The following CTNNA2 variants were observed in gnomAD, a reference collection of about 807,000 sequenced individuals.
The protein encoded by CTNNA2 is catenin alpha-2.
A neutral mutation model predicts 101.0 loss-of-function variants in CTNNA2; 42 were observed. That is an observed-to-expected ratio of 0.42 (90% CI 0.32 to 0.54). CTNNA2 has a LOEUF of 0.54. Ranked by LOEUF, CTNNA2 falls within the 20% of genes least tolerant of loss-of-function variation. CTNNA2 has a pLI of 0.14. For synonymous variants in CTNNA2, 450 were observed against 456.4 expected, an observed-to-expected ratio of 0.99 and a Z score of 0.18; for missense variants, 871 against 1,223.1, an observed-to-expected ratio of 0.71 and a Z score of 4.29.
chr2:80,346,463 T>C (rs1341349457), intron 7 of CTNNA2, among the ~76,000 whole-genome samples: 4 of 152,322 alleles, frequency 2.6e-5, no homozygotes, highest in East Asian at 3.9e-4. Context: ...AAGCCATTCA[T>C]GAGGGACCTG....
chr2:80,639,546 T>TGTGTGTGTGTG (rs1673242502), intron 18 of CTNNA2, among the ~76,000 whole-genome samples: 1 of 151,940 alleles, frequency 6.6e-6, no homozygotes, highest in Non-Finnish European at 1.5e-5. Flanking sequence ...TGTGTCTGTG[T>TGTGTGTGTGTG]TTTTAACAAT....
chr2:79,257,727 G>C (rs535435329), intron 2 of CTNNA2, among the ~76,000 whole-genome samples: 1 of 151,870 alleles, frequency 6.6e-6, no homozygotes, highest in South Asian at 2.1e-4. Context: ...AAATTGTTCT[G>C]AACTGTCACC....
Position 79,227,957 on chromosome 2 carries a change from G to A in CTNNA2, c.-406+29881G>A, listed in dbSNP as rs144211423. ...CTATTGTTCCTATCGTTACAATCAC[G>A]TACATTCAATGTTTAACTCCCACTT... On this transcript the variant is annotated intron_variant, in intron 2 of 21. Coordinates refer to the CTNNA2 transcript ENST00000466387. 2.3e-3 allele frequency among the ~76,000 whole-genome samples: 353 copies of A among 152,144 alleles called. 6 individuals carry two copies. The highest frequency in any genetic ancestry group is 1.2e-3 in the East Asian group (6 of 5,158).
intron 1 of CTNNA2, among the ~76,000 whole-genome samples, chr2:79,524,016 C>A (rs1403573468): frequency 6.6e-6 from 1 of 152,052 alleles, no homozygotes; most frequent in Non-Finnish European, 1.5e-5. Context: ...ACTATTAAAA[C>A]TACTATTATG....
At chr2:79,987,655 G>A (rs1004350714) in intron 7 of CTNNA2, among the ~76,000 whole-genome samples, 3 of 152,128 alleles carry the variant, frequency 2.0e-5, no homozygotes, top group Admixed American at 6.6e-5. Flanking sequence ...AACTTTATAT[G>A]TCCTTCTCCC....
At chr2:79,452,682 A>T (rs1670770505) in intron 4 of CTNNA2, among the ~76,000 whole-genome samples, 1 of 152,082 alleles carries the variant, frequency 6.6e-6, no homozygotes, top group Non-Finnish European at 1.5e-5. Flanking sequence ...TTGAAAGATA[A>T]ACCACATTTA....
intron 7 of CTNNA2, among the ~76,000 whole-genome samples, chr2:80,227,872 AC>A (rs1346272369): frequency 6.6e-6 from 1 of 152,168 alleles, no homozygotes; most frequent in Non-Finnish European, 1.5e-5. Context: ...CTATTAAAGG[AC>A]CCCAGTGGAG....
chr2:79,374,577 G>A (rs1185452467), intron 4 of CTNNA2, among the ~76,000 whole-genome samples: 4 of 151,920 alleles, frequency 2.6e-5, no homozygotes. Flanking sequence ...ATTATTCTGA[G>A]CAATAGACTC....
chr2:80,112,968 T>A (rs1701308046), intron 7 of CTNNA2, among the ~76,000 whole-genome samples: 1 of 152,132 alleles, frequency 6.6e-6, no homozygotes, highest in Admixed American at 6.6e-5. Context: ...ATCTTACCTG[T>A]GAGTTGCGTA....
At chr2:79,740,778 CACA>C (rs1192841677) in intron 2 of CTNNA2, among the ~76,000 whole-genome samples, 1 of 151,832 alleles carries the variant, frequency 6.6e-6, no homozygotes, top group African/African-American at 2.4e-5. Flanking sequence ...CAGCATAGAG[CACA>C]ACAACAATTC....
In CTNNA2 at chr2:80,303,631, G is replaced by C. The variant is rs1370384755; in HGVS notation, c.1057-89580G>C. On this transcript the variant is annotated intron_variant, in intron 7 of 18. Transcript: ENST00000402739. The surrounding 1 kb of genome is among the most constrained non-coding windows in gnomAD (Gnocchi z 7.7). ...GGGACAAGCCCAGCAGGCCGGACAG[G>C]TTGTGGGGCGCCTCGGTGAGGTTGA... is the stretch of plus-strand genomic sequence containing the variant. 5 of 1,613,676 alleles carry C rather than the reference G, an allele frequency of 3.1e-6. No individual in the cohort carries two copies. Among genetic ancestry groups the C allele is most frequent in the Non-Finnish European group, 4.2e-6 (5 of 1,179,798 alleles).
intron 1 of CTNNA2, among the ~76,000 whole-genome samples, chr2:79,572,264 A>G (rs983333809): frequency 1.5e-4 from 23 of 152,188 alleles, no homozygotes; most frequent in Admixed American, 1.2e-3. Context: ...AGCTTCAAGC[A>G]GAACATCTCT....
chr2:79,234,300 A>G (rs1300251880), intron 2 of CTNNA2, among the ~76,000 whole-genome samples: 1 of 151,914 alleles, frequency 6.6e-6, no homozygotes, highest in Non-Finnish European at 1.5e-5. Context: ...TATGAAGATT[A>G]GTTTGGTGAG....
chr2:79,793,363 A>AT (rs951525546), intron 3 of CTNNA2, among the ~76,000 whole-genome samples: 4 of 152,214 alleles, frequency 2.6e-5, no homozygotes, highest in African/African-American at 9.6e-5. Context: ...AGAGCGACTC[A>AT]TGTAGAGCTG....
At chr2:79,234,083 T>C (rs1200001410) in intron 2 of CTNNA2, among the ~76,000 whole-genome samples, 1 of 151,366 alleles carries the variant, frequency 6.6e-6, no homozygotes, top group African/African-American at 2.4e-5. Flanking sequence ...TGTCATCATG[T>C]TGTTAGCTAA....
At chr2:79,546,054 T>C (rs149771580) in intron 1 of CTNNA2, among the ~76,000 whole-genome samples, 114 of 152,310 alleles carry the variant, frequency 7.5e-4, no homozygotes, top group Non-Finnish European at 1.3e-3. Context: ...AGGTGGGGTT[T>C]GAACCTGAGC....
At chr2:79,835,684 T>TTTTTTTTTTTTGTTTG (rs1679299387) in intron 3 of CTNNA2, among the ~76,000 whole-genome samples, 1 of 132,872 alleles carries the variant, frequency 7.5e-6, no homozygotes, top group African/African-American at 2.9e-5. Flanking sequence ...TTTTTTTTTT[T>TTTTTTTTTTTTGTTTG]TTTTTTTTTT....
chr2:80,479,394 C>T (rs10189168), intron 9 of CTNNA2, among the ~76,000 whole-genome samples: 52,297 of 151,856 alleles, frequency 0.34, 9,848 homozygotes, highest in East Asian at 0.67. Flanking sequence ...TCCTATAGTG[C>T]GCAGGACAGC....
intron 3 of CTNNA2, among the ~76,000 whole-genome samples, chr2:79,362,211 C>T (rs755590310): frequency 1.7e-4 from 26 of 152,172 alleles, no homozygotes; most frequent in Non-Finnish European, 2.9e-4. Flanking sequence ...CTAGTCCTGG[C>T]AAACACTTTC....
Sources: allele counts gnomAD v4.1 joint callset (sites outside exome capture counted in the v4.1 genomes callset), GRCh38; gene constraint gnomAD v4.1.1; non-coding constraint Gnocchi (gnomAD v3.1); transcripts MANE v1.5; gene names NCBI Gene and HGNC (gene_info 2026-07-23, HGNC 2026-07-21).